The following CCDC91 variants were observed in gnomAD, a reference collection of about 807,000 sequenced individuals.
CCDC91 encodes coiled-coil domain-containing protein 91.
In CCDC91, 48 loss-of-function variants were observed where a neutral mutation model predicts 63.2. That is an observed-to-expected ratio of 0.76 (90% CI 0.60 to 0.97). The LOEUF (loss-of-function observed/expected upper bound fraction) is 0.97, where lower values mean the gene tolerates loss of function less well. Among genes scored for constraint, CCDC91 ranks in the 50% least tolerant of loss-of-function variants. The pLI is 0.00. For synonymous variants in CCDC91, 167 were observed against 165.8 expected (o/e 1.01, Z -0.06); for missense variants, 500 against 494.6 (o/e 1.01, Z -0.10).
At chr12:28,212,682 A>G (rs1158677663) in intron 1 of CCDC91, among the ~76,000 whole-genome samples, 1 of 152,162 alleles carries the variant, frequency 6.6e-6, no homozygotes, top group Non-Finnish European at 1.5e-5. Flanking sequence ...CTAGTTATTT[A>G]TGTGTTTCCC....
chr12:28,479,115 A>G lies in CCDC91; in HGVS notation c.1102-4937A>G, dbSNP rs149540949. Among the ~76,000 whole-genome samples the G allele has an allele frequency of 1.9e-3, 292 of 152,304 alleles. 2 individuals carry two copies. Among genetic ancestry groups the G allele is most frequent in the African/African-American group, 6.7e-3 (279 of 41,576 alleles). Reference sequence around the variant, plus strand: ...TGACCCAGCCATCCCATTACTGGGTATATACCTAAAGGATTGTAAATCATG... The same window carrying G: ...TGACCCAGCCATCCCATTACTGGGTGTATACCTAAAGGATTGTAAATCATG... On this transcript the variant is annotated intron_variant, in intron 11 of 12. Transcript: ENST00000536442.
chr12:28,342,671 G>A lies in CCDC91; in HGVS notation c.577-19767G>A, dbSNP rs538505712. Among the ~76,000 whole-genome samples, 13 of 152,240 alleles carry A rather than the reference G, an allele frequency of 8.5e-5. 1 individual carries two copies. The South Asian group carries it at 2.7e-3, about 32-fold the overall frequency. ...AAGATGGGGAGAGCAATACCCCTGA[G>A]TAGATGAGGGAATATAGGATCTAGT... On this transcript the variant is annotated intron_variant, in intron 6 of 12. Transcript: ENST00000536442.
At chr12:28,225,578 G>A (rs1407736940) in intron 1 of CCDC91, among the ~76,000 whole-genome samples, 1 of 152,078 alleles carries the variant, frequency 6.6e-6, no homozygotes. Flanking sequence ...AGCCTCCGGA[G>A]TAGAGTGGCT....
chr12:28,280,968 TTC>T (rs1040495590), intron 3 of CCDC91, among the ~76,000 whole-genome samples: 1 of 152,114 alleles, frequency 6.6e-6, no homozygotes, highest in African/African-American at 2.4e-5. Context: ...CAGAATGAGA[TTC>T]TGTCTAAAAA....
chr12:28,327,332 C>T (rs1437165553), intron 6 of CCDC91, among the ~76,000 whole-genome samples: 1 of 152,088 alleles, frequency 6.6e-6, no homozygotes, highest in African/African-American at 2.4e-5. Flanking sequence ...AAAAGGCTAC[C>T]TGGGGGCTAT....
intron 8 of CCDC91, among the ~76,000 whole-genome samples, chr12:28,413,898 A>C (rs748264314): frequency 6.6e-6 from 1 of 152,232 alleles, no homozygotes; most frequent in African/African-American, 2.4e-5. Flanking sequence ...GAGTGCAAGA[A>C]ATATGTTTCA....
At chr12:28,431,722 C>T (rs911791505) in intron 8 of CCDC91, among the ~76,000 whole-genome samples, 2 of 151,868 alleles carry the variant, frequency 1.3e-5, no homozygotes, top group African/African-American at 4.8e-5. Flanking sequence ...TTGTTACATT[C>T]CATGAATCTA....
At chr12:28,503,976 C>T (rs1394680257) in intron 12 of CCDC91, among the ~76,000 whole-genome samples, 1 of 151,816 alleles carries the variant, frequency 6.6e-6, no homozygotes, top group Admixed American at 6.6e-5. Flanking sequence ...CGGAGATATA[C>T]CTAATGCTAA....
intron 7 of CCDC91, among the ~76,000 whole-genome samples, chr12:28,387,631 C>T (rs1472274393): frequency 1.3e-5 from 2 of 152,128 alleles, no homozygotes; most frequent in Non-Finnish European, 2.9e-5. Flanking sequence ...TAGATGAGAA[C>T]ATGTGATGTT....
At chr12:28,542,889 T>C (rs998800638) in intron 12 of CCDC91, among the ~76,000 whole-genome samples, 12 of 152,078 alleles carry the variant, frequency 7.9e-5, no homozygotes, top group African/African-American at 1.7e-4. Flanking sequence ...ACCTTAACAA[T>C]CTGGAAAATA....
chr12:28,507,381 G>A (rs1014946622), intron 12 of CCDC91, among the ~76,000 whole-genome samples: 3 of 151,906 alleles, frequency 2.0e-5, no homozygotes, highest in African/African-American at 7.2e-5. Context: ...GCATTTGGTG[G>A]CCACCACCCA....
chr12:28,423,392 A>T (rs1375516098), intron 8 of CCDC91, among the ~76,000 whole-genome samples: 11 of 152,120 alleles, frequency 7.2e-5, no homozygotes, highest in Admixed American at 7.2e-4. Flanking sequence ...AAAGTATGAA[A>T]TATACGGGGG....
At chr12:28,327,180 C>T (rs1941091029) in intron 6 of CCDC91, among the ~76,000 whole-genome samples, 1 of 151,854 alleles carries the variant, frequency 6.6e-6, no homozygotes, top group Non-Finnish European at 1.5e-5. Flanking sequence ...GGGAAGTCCT[C>T]AGTAAGGTTT....
chr12:28,314,204 C>A (rs1939614412), intron 6 of CCDC91, among the ~76,000 whole-genome samples: 1 of 151,680 alleles, frequency 6.6e-6, no homozygotes, highest in Admixed American at 6.6e-5. Flanking sequence ...ACAACTAGTA[C>A]TGTTTTATGA....
At chr12:28,481,522 C>A (rs569823561) in intron 11 of CCDC91, among the ~76,000 whole-genome samples, 1 of 152,012 alleles carries the variant, frequency 6.6e-6, no homozygotes, top group African/African-American at 2.4e-5. Flanking sequence ...TCTCATGACT[C>A]CCAGGAATGA....
At chr12:28,532,176 G>A (rs1215372112) in intron 12 of CCDC91, among the ~76,000 whole-genome samples, 2 of 152,080 alleles carry the variant, frequency 1.3e-5, no homozygotes, top group Non-Finnish European at 2.9e-5. Context: ...GATGGCTAGA[G>A]CTAAATGAGC....
intron 6 of CCDC91, among the ~76,000 whole-genome samples, chr12:28,309,486 T>A (rs1297292924): frequency 2.0e-5 from 3 of 152,078 alleles, no homozygotes; most frequent in Admixed American, 1.3e-4. Context: ...CTAAATCCTG[T>A]TCTTCACATG....
intron 12 of CCDC91, among the ~76,000 whole-genome samples, chr12:28,504,747 C>T (rs1468485729): frequency 6.6e-6 from 1 of 151,902 alleles, no homozygotes; most frequent in Non-Finnish European, 1.5e-5. Flanking sequence ...ATGCTTATGT[C>T]ACTTAAAATA....
At chr12:28,469,441 A>G (rs1220186157) in intron 11 of CCDC91, among the ~76,000 whole-genome samples, 5 of 152,110 alleles carry the variant, frequency 3.3e-5, no homozygotes, top group Admixed American at 2.6e-4. Flanking sequence ...TGAAGAGGAC[A>G]CCAAAAAATG....
Sources: gnomAD v4.1 joint callset for allele counts (sites outside exome capture counted in the v4.1 genomes callset) on GRCh38, gnomAD v4.1.1 for gene constraint, MANE v1.5 for transcripts, NCBI Gene and HGNC (gene_info 2026-07-23, HGNC 2026-07-21) for gene names.